CCDC171: variants seen among roughly 807,000 people sequenced by gnomAD.
CCDC171 encodes coiled-coil domain containing 171.
Under a neutral mutation model 168.2 loss-of-function variants are expected in CCDC171, and 177 were observed. The observed-to-expected ratio is 1.05, with a 90% CI of 0.93 to 1.19. The LOEUF is 1.19. Among genes scored for constraint, CCDC171 ranks in the 50% most tolerant of loss-of-function variants. The pLI, the probability that CCDC171 is intolerant of heterozygous loss-of-function variation, is 0.00. For missense variants in CCDC171, 1,991 were observed against 1,539.0 expected (o/e 1.29, Z -4.91); for synonymous variants, 687 against 540.8 (o/e 1.27, Z -3.75).
chr9:15,853,501 G>A, intron 23 of CCDC171, among the ~76,000 whole-genome samples: 1 of 151,496 alleles, frequency 6.6e-6, no homozygotes, highest in East Asian at 1.9e-4. Flanking sequence ...TGCATGTATA[G>A]CTTCTTTAGG....
intron 23 of CCDC171, among the ~76,000 whole-genome samples, chr9:15,869,409 AT>A (rs1013943286): frequency 2.0e-5 from 3 of 151,512 alleles, no homozygotes; most frequent in South Asian, 2.1e-4. Flanking sequence ...GAACTGTCTA[AT>A]TTTTTTTAAA....
Position 15,680,721 on chromosome 9 carries a change from T to A in CCDC171, c.1215+1825T>A, listed in dbSNP as rs374985182. Among the ~76,000 whole-genome samples the A allele has an allele frequency of 1.4e-4, 21 of 152,308 alleles. No homozygotes were observed. The East Asian group carries it at 1.5e-3, about 11-fold the overall frequency. ...AGCATCTGTTCACTGTAATGTTATC[T>A]TAAATTTCATGGGCTGTTTTAACTC... On this transcript the variant is annotated intron_variant, in intron 10 of 25. Transcript: ENST00000380701.
intron 5 of CCDC171, among the ~76,000 whole-genome samples, chr9:15,592,058 T>C (rs2042043369): frequency 6.6e-6 from 1 of 151,904 alleles, no homozygotes; most frequent in Non-Finnish European, 1.5e-5. Flanking sequence ...TTTTACTCCC[T>C]AAAGTAAAAG....
At chr9:15,716,724 T>A (rs1368111046) in intron 11 of CCDC171, among the ~76,000 whole-genome samples, 1 of 151,928 alleles carries the variant, frequency 6.6e-6, no homozygotes, top group African/African-American at 2.4e-5. Flanking sequence ...AGAGCAAGAG[T>A]TGGGGAGAAC....
rs917454511 is a variant in CCDC171 at position 16,059,813 on chromosome 9, C to CT, written n.90-823dup. ...ACAGGCGTGAGCCACCGCGCCTGGC[C>CT]TTTTTTTTTTCTTTAACACACCCGA... On this transcript the variant is annotated intron_variant and non_coding_transcript_variant, in intron 1 of 1. Transcript: ENST00000478913. Among the ~76,000 whole-genome samples the CT allele has an allele frequency of 3.3e-3, 496 of 148,568 alleles. 2 individuals carry two copies. The highest frequency in any genetic ancestry group is 3.9e-3 in the Non-Finnish European group (259 of 66,934).
At chr9:16,056,885 C>G (rs1833850785) in intron 1 of CCDC171, among the ~76,000 whole-genome samples, 1 of 152,232 alleles carries the variant, frequency 6.6e-6, no homozygotes, top group African/African-American at 2.4e-5. Flanking sequence ...AAAATGTGCT[C>G]AGTATATTAT....
At chr9:15,662,616 T>A (rs2048401478) in intron 8 of CCDC171, among the ~76,000 whole-genome samples, 1 of 152,162 alleles carries the variant, frequency 6.6e-6, no homozygotes, top group South Asian at 2.1e-4. Flanking sequence ...AGTTTCATTA[T>A]TGTATGTATC....
At chr9:15,756,016 T>G (rs1324536225) in intron 18 of CCDC171, among the ~76,000 whole-genome samples, 2 of 152,188 alleles carry the variant, frequency 1.3e-5, no homozygotes, top group African/African-American at 2.4e-5. Context: ...ATATATTCCT[T>G]TATGTCAGGA....
At position 15,718,712 on chromosome 9, in the gene CCDC171, A is replaced by G. The variant is rs924812769; in HGVS notation, c.1319-3057A>G. On this transcript the variant is annotated intron_variant, in intron 11 of 25. Coordinates refer to ENST00000380701, the MANE Select transcript of CCDC171 (RefSeq NM_173550.4). ...AATTCCTCTGAATTTTATCAAGACC[A>G]CAAAGGTGGTGCCTCTGTGAGTCTG... Among the ~76,000 whole-genome samples the G allele has an allele frequency of 4.6e-4, 70 of 152,240 alleles. 5 individuals are homozygous for G.
intron 11 of CCDC171, among the ~76,000 whole-genome samples, chr9:15,718,006 G>T (rs918543264): frequency 9.2e-6 from 1 of 108,706 alleles, no homozygotes; most frequent in African/African-American, 2.6e-5. Context: ...TTGGCCACAG[G>T]GTGGTAGAGC....
chr9:15,816,323 G>A lies in CCDC171; in HGVS notation c.3268-30379G>A, dbSNP rs557376227. Reference sequence around the variant, plus strand: ...TATATTAGTTTTTTAAATTAAACCTGCTTAAGTAAGAAAAAAATTAAAAAC... The same window carrying A: ...TATATTAGTTTTTTAAATTAAACCTACTTAAGTAAGAAAAAAATTAAAAAC... On this transcript the variant is annotated intron_variant, in intron 21 of 25. Coordinates refer to ENST00000380701, the MANE Select transcript of CCDC171 (RefSeq NM_173550.4). 5.1e-5 allele frequency among the ~76,000 whole-genome samples: 6 copies of A among 116,512 alleles called. No individual in the cohort carries two copies. In the South Asian group the frequency reaches 8.4e-4, roughly 16 times the overall value. 76.4% of individuals were successfully genotyped at this position (116,512 alleles called of 152,430 possible).
chr9:16,082,714 T>G, the CCDC171 span, among the ~76,000 whole-genome samples: 1 of 152,198 alleles, frequency 6.6e-6, no homozygotes, highest in Non-Finnish European at 1.5e-5. Flanking sequence ...AACAAACATC[T>G]TAAGAGATGT....
At chr9:15,868,529 A>G (rs1200125008) in intron 23 of CCDC171, among the ~76,000 whole-genome samples, 4 of 151,664 alleles carry the variant, frequency 2.6e-5, no homozygotes, top group Non-Finnish European at 5.9e-5. Flanking sequence ...ATATGAATGA[A>G]TGAGGATGCC....
At chr9:15,775,952 G>C (rs2057300675) in intron 18 of CCDC171, among the ~76,000 whole-genome samples, 1 of 152,108 alleles carries the variant, frequency 6.6e-6, no homozygotes, top group South Asian at 2.1e-4. Flanking sequence ...TGGAGAAACA[G>C]GGAATACATA....
chr9:15,671,459 T>A (rs1372533884), intron 9 of CCDC171, among the ~76,000 whole-genome samples: 1 of 152,116 alleles, frequency 6.6e-6, no homozygotes. Flanking sequence ...TCAACTCGCT[T>A]ACATTAGGTC....
the CCDC171 span, among the ~76,000 whole-genome samples, chr9:16,072,989 T>G: frequency 3.3e-5 from 5 of 152,242 alleles, no homozygotes; most frequent in African/African-American, 1.2e-4. Flanking sequence ...AGGATTAATA[T>G]CTGTCCACAT....
chr9:15,740,654 G>A (rs1192007039), intron 16 of CCDC171, among the ~76,000 whole-genome samples: 1 of 151,996 alleles, frequency 6.6e-6, no homozygotes, highest in Non-Finnish European at 1.5e-5. Flanking sequence ...TGGCCAGTCT[G>A]GTCTAGAACT....
intron 4 of CCDC171, among the ~76,000 whole-genome samples, chr9:15,590,836 C>CTTCT (rs1385192472): frequency 1.2e-4 from 4 of 32,564 alleles, no homozygotes; most frequent in Non-Finnish European, 2.7e-4. Context: ...TTTCTTTCTT[C>CTTCT]TTCTTTCTTT....
chr9:16,097,723 T>G, the CCDC171 span, among the ~76,000 whole-genome samples: 1 of 152,356 alleles, frequency 6.6e-6, no homozygotes, highest in South Asian at 2.1e-4. Context: ...AAGACTGCCC[T>G]GGGTTTAAGG....
Sources: gnomAD v4.1 joint callset for allele counts (sites outside exome capture counted in the v4.1 genomes callset) on GRCh38, gnomAD v4.1.1 for gene constraint, MANE v1.5 for transcripts, NCBI Gene and HGNC (gene_info 2026-07-23, HGNC 2026-07-21) for gene names.